GLIS3: variants seen among roughly 807,000 people sequenced by gnomAD.
The protein encoded by GLIS3 is GLIS family zinc finger 3, also known as zinc finger protein GLIS3.
A neutral mutation model predicts 78.6 loss-of-function variants in GLIS3; 53 were observed. The ratio of observed to expected loss-of-function variants is 0.67; its 90% CI spans 0.54 to 0.85. The LOEUF is 0.85. Among genes scored for constraint, GLIS3 ranks in the 40% least tolerant of loss-of-function variants. GLIS3 has a pLI of 0.00. For synonymous variants in GLIS3, 684 were observed against 509.9 expected (o/e 1.34, Z -4.60); for missense variants, 1,703 against 1,231.1 (o/e 1.38, Z -5.74).
At chr9:3,998,208 G>A (rs1235588231) in intron 4 of GLIS3, among the ~76,000 whole-genome samples, 1 of 152,128 alleles carries the variant, frequency 6.6e-6, no homozygotes, top group Non-Finnish European at 1.5e-5. Flanking sequence ...AGATCTGGAA[G>A]TAGCCATTTG....
At chr9:4,298,335 G>A (rs773696765) in intron 1 of GLIS3, 61 of 455,156 alleles carry the variant, frequency 1.3e-4, no homozygotes, top group East Asian at 2.8e-4. Flanking sequence ...GTCGGAGGGC[G>A]CGAACGCGGA....
At chr9:4,347,891 G>C (rs978260296) in intron 1 of GLIS3, among the ~76,000 whole-genome samples, 1 of 152,072 alleles carries the variant, frequency 6.6e-6, no homozygotes, top group African/African-American at 2.4e-5. Context: ...CTAGTAAAGG[G>C]AACAATAGAG....
At chr9:4,288,250 C>T (rs1289311100) in intron 1 of GLIS3, among the ~76,000 whole-genome samples, 1 of 152,128 alleles carries the variant, frequency 6.6e-6, no homozygotes, top group Non-Finnish European at 1.5e-5. Flanking sequence ...ATCTATTTTC[C>T]TCTCATTGAT....
the GLIS3 span, among the ~76,000 whole-genome samples, chr9:4,405,982 G>A: frequency 6.6e-6 from 1 of 152,154 alleles, no homozygotes; most frequent in Non-Finnish European, 1.5e-5. Context: ...TCATTTCAAT[G>A]GATGCTGAAA....
chr9:4,157,261 T>C (rs1306164449), intron 2 of GLIS3, among the ~76,000 whole-genome samples: 45 of 152,156 alleles, frequency 3.0e-4, no homozygotes, highest in Admixed American at 2.9e-3. Context: ...AGGTCAACAT[T>C]AACAGTTTTG....
chr9:4,394,906 G>C, the GLIS3 span, among the ~76,000 whole-genome samples: 2,016 of 152,268 alleles, frequency 0.013, 33 homozygotes, highest in African/African-American at 0.046. Flanking sequence ...GCAATAGCTA[G>C]CACTATAATT....
intron 2 of GLIS3, among the ~76,000 whole-genome samples, chr9:4,244,615 C>G (rs573528023): frequency 6.6e-6 from 1 of 152,012 alleles, no homozygotes; most frequent in South Asian, 2.1e-4. Flanking sequence ...GCTCTTGCCA[C>G]CCAGGCTGGA....
At chr9:4,048,866 G>C (rs1460866866) in intron 4 of GLIS3, among the ~76,000 whole-genome samples, 1 of 152,158 alleles carries the variant, frequency 6.6e-6, no homozygotes. Context: ...TCTAGAAACA[G>C]GCAATGTAGA....
intron 9 of GLIS3, among the ~76,000 whole-genome samples, chr9:3,843,647 G>T (rs1456031150): frequency 2.0e-5 from 3 of 152,198 alleles, no homozygotes; most frequent in Non-Finnish European, 2.9e-5. Context: ...GTATGTAAGA[G>T]TGATTTATAA....
chr9:4,119,153 G>C (rs1831994047), intron 3 of GLIS3, among the ~76,000 whole-genome samples: 1 of 152,142 alleles, frequency 6.6e-6, no homozygotes, highest in South Asian at 2.1e-4. Context: ...TAATACTTGA[G>C]TAATAAATAG....
intron 8 of GLIS3, among the ~76,000 whole-genome samples, chr9:3,856,706 G>A (rs1342058995): frequency 2.0e-5 from 3 of 152,122 alleles, no homozygotes; most frequent in Non-Finnish European, 2.9e-5. Context: ...ATTTGCTTTT[G>A]CCAAGAATGA....
intron 4 of GLIS3, among the ~76,000 whole-genome samples, chr9:4,039,391 C>A (rs895934176): frequency 6.6e-6 from 1 of 152,144 alleles, no homozygotes; most frequent in African/African-American, 2.4e-5. Context: ...GGTATCCAAG[C>A]ATCTCTCTCT....
the GLIS3 span, among the ~76,000 whole-genome samples, chr9:4,398,066 A>G: frequency 6.6e-6 from 1 of 152,010 alleles, no homozygotes; most frequent in African/African-American, 2.4e-5. Flanking sequence ...CCTTCTTAAG[A>G]AAGCAGTTTA....
intron 2 of GLIS3, among the ~76,000 whole-genome samples, chr9:4,314,899 C>G (rs1017281338): frequency 6.6e-6 from 1 of 152,206 alleles, no homozygotes; most frequent in Non-Finnish European, 1.5e-5. Context: ...AGCTCTATTC[C>G]TTTGGGATGA....
intron 2 of GLIS3, among the ~76,000 whole-genome samples, chr9:4,254,214 G>C (rs75185076): frequency 6.6e-6 from 1 of 152,144 alleles, no homozygotes; most frequent in African/African-American, 2.4e-5. Context: ...TTAAAGCCCT[G>C]TTTAATAACC....
intron 2 of GLIS3, among the ~76,000 whole-genome samples, chr9:4,221,926 A>G (rs1044977449): frequency 3.3e-5 from 5 of 152,196 alleles, no homozygotes; most frequent in Non-Finnish European, 7.3e-5. Context: ...CTTATTTAAG[A>G]GTCTGGGCTC....
At chr9:4,380,403 C>T in the GLIS3 span, among the ~76,000 whole-genome samples, 1 of 152,142 alleles carries the variant, frequency 6.6e-6, no homozygotes, top group African/African-American at 2.4e-5. Flanking sequence ...TATTACTGCC[C>T]ATCAAGGAAG....
At chr9:4,195,795 ACC>A (rs1818780048) in intron 2 of GLIS3, among the ~76,000 whole-genome samples, 1 of 152,236 alleles carries the variant, frequency 6.6e-6, no homozygotes, top group Admixed American at 6.5e-5. Context: ...TTGTGGATGC[ACC>A]AACAGGCACT....
At chr9:4,248,751 T>C (rs190428679) in intron 2 of GLIS3, among the ~76,000 whole-genome samples, 11 of 152,340 alleles carry the variant, frequency 7.2e-5, no homozygotes, top group Admixed American at 3.3e-4. Flanking sequence ...CCAGCATCTG[T>C]TGTTTCCTGA....
Sources: allele counts gnomAD v4.1 joint callset (sites outside exome capture counted in the v4.1 genomes callset), GRCh38; gene constraint gnomAD v4.1.1; transcripts MANE v1.5; gene names NCBI Gene and HGNC (gene_info 2026-07-23, HGNC 2026-07-21).